MX2: variants seen among roughly 807,000 people sequenced by gnomAD.
MX2 encodes interferon-induced GTP-binding protein Mx2.
A neutral mutation model predicts 74.0 loss-of-function variants in MX2; 51 were observed. That is an observed-to-expected ratio of 0.69 (90% CI 0.55 to 0.87). The LOEUF (loss-of-function observed/expected upper bound fraction) is 0.87, where lower values mean the gene tolerates loss of function less well. MX2 is among the 40% of genes least tolerant of loss of function. MX2 has a pLI of 0.00. For missense variants in MX2, 832 were observed against 908.7 expected (o/e 0.92, Z 1.09); for synonymous variants, 369 against 339.3 (o/e 1.09, Z -0.96).
chr21:41,367,345 T>G (rs1300352188), intron 1 of MX2: 1 of 152,180 alleles, frequency 6.6e-6, no homozygotes, highest in Non-Finnish European at 1.5e-5. Flanking sequence ...CAGAGACCTT[T>G]TCCACGGGAT....
At chr21:41,374,296 C>T (rs1244916408) in intron 1 of MX2, among the ~76,000 whole-genome samples, 1 of 152,246 alleles carries the variant, frequency 6.6e-6, no homozygotes, top group Non-Finnish European at 1.5e-5. Flanking sequence ...AATTCTTTAT[C>T]CTAAACCCGG....
In MX2 at chr21:41,397,627, A is replaced by C; in HGVS notation, c.1085A>C (p.Glu362Ala). Residue 362 changes from glutamate (E) to alanine (A), a missense_variant, in exon 8 of 14, where the codon GAG becomes GCG. Coordinates refer to ENST00000330714, the MANE Select transcript of MX2 (RefSeq NM_002463.2). ...TCTCATTTCAGAGTTCTCCTGGAGG[A>C]GGGGTCAGCCACGGTTCCCCGACTG... ...THPYFRVLLE[E>A]GSATVPRLAE... is the part of the protein sequence containing the mutation. 6.2e-7 allele frequency: 1 copy of C among 1,613,964 alleles called. No individual in the cohort carries two copies. Among genetic ancestry groups the C allele is most frequent in the Non-Finnish European group, 8.5e-7 (1 of 1,179,854 alleles).
chr21:41,381,273 G>A lies in MX2; in HGVS notation c.577+1122G>A, dbSNP rs112681953. Among the ~76,000 whole-genome samples, 352 of 152,346 alleles carry A rather than the reference G, an allele frequency of 2.3e-3. 2 individuals carry two copies. Among genetic ancestry groups the A allele is most frequent in the African/African-American group, 8.1e-3 (338 of 41,574 alleles). On this transcript the variant is annotated intron_variant, in intron 4 of 13. Transcript: ENST00000330714. ...GCTCCCAGGACATCTTGCAATGTTC[G>A]TTGACATCTGTCTGGAGTCTCACCA...
intron 5 of MX2, 163 bp from the exon 6 acceptor site, chr21:41,390,402 G>C (rs746925594): frequency 2.1e-6 from 2 of 962,522 alleles, no homozygotes; most frequent in East Asian, 5.0e-5. Flanking sequence ...GGGCAGGGCC[G>C]CCGGGGCAGG....
At chr21:41,376,695 GC>G in intron 1 of MX2, 140 bp from the exon 2 acceptor site, 1 of 617,892 alleles carries the variant, frequency 1.6e-6, no homozygotes, top group South Asian at 1.9e-5. Flanking sequence ...GCAGACAGGG[GC>G]CCTGCACTGG....
intron 7 of MX2, among the ~76,000 whole-genome samples, chr21:41,396,683 G>A (rs758547982): frequency 6.6e-6 from 1 of 152,108 alleles, no homozygotes; most frequent in African/African-American, 2.4e-5. Context: ...AACACCACCC[G>A]GTTCCTTCTT....
rs372514454 is a variant in MX2, at chr21:41,393,538, G to C, written c.872-2049G>C. Among the ~76,000 whole-genome samples the C allele has an allele frequency of 1.3e-3, 201 of 151,978 alleles. 3 individuals carry two copies. Among genetic ancestry groups the C allele is most frequent in the African/African-American group, 4.6e-3 (190 of 41,452 alleles). On this transcript the variant is annotated intron_variant, in intron 6 of 13. Transcript: ENST00000330714. The stretch of plus-strand genomic sequence containing the variant: ...CTTCCTCCACCATTCTCTCTCTCTC[G>C]GGTCGCTTCCGTCACTGGCCAGCTG...
In MX2 at chr21:41,395,633, CG is replaced by C. The variant is rs1379262067; in HGVS notation, c.919del (p.Val307SerfsTer2). On this transcript the variant is annotated frameshift_variant, in exon 7 of 14. Coordinates refer to ENST00000330714, the MANE Select transcript of MX2 (RefSeq NM_002463.2). LOFTEE classifies it high-confidence loss of function. ...TAATGGACAGGGGCACTGAGAAAAG[CG>C]TCATGAATGTGGTGCGGAACCTCAC... ...DLMDRGTEKS[V>X]MNVVRNLTYP... The C allele has an allele frequency of 7.4e-6, 12 of 1,614,036 alleles. No individual in the cohort carries two copies. Among genetic ancestry groups the C allele is most frequent in the African/African-American group, 1.3e-5 (1 of 74,930 alleles).
chr21:41,363,329 C>T lies in MX2; in HGVS notation c.-72+1274C>T, dbSNP rs896094266. Reference sequence around the variant, plus strand: ...TGGTACCATCATAGCTCACTGCAGCCTTAAACTTCCGGGCTCAAGTGATCC... The same window carrying T: ...TGGTACCATCATAGCTCACTGCAGCTTTAAACTTCCGGGCTCAAGTGATCC... On this transcript the variant is annotated intron_variant, in intron 1 of 13. Transcript: ENST00000330714. The surrounding 1 kb of genome is among the most constrained non-coding windows in gnomAD (Gnocchi z 4.2). 6.6e-6 allele frequency: 1 copy of T among 152,138 alleles called. No individual in the cohort carries two copies. The highest frequency in any genetic ancestry group is 2.4e-5 in the African/African-American group (1 of 41,388). 9.4% of individuals were successfully genotyped at this position (152,138 alleles called of 1,614,324 possible).
At chr21:41,371,276 G>C (rs2089321404) in intron 1 of MX2, among the ~76,000 whole-genome samples, 1 of 152,164 alleles carries the variant, frequency 6.6e-6, no homozygotes, top group Non-Finnish European at 1.5e-5. Context: ...TTTGTGGTTA[G>C]TGTTGGTTTG....
chr21:41,403,616 G>T (rs760933503), intron 12 of MX2: 1 of 685,156 alleles, frequency 1.5e-6, no homozygotes, highest in Admixed American at 1.8e-5. Context: ...CAGGATGTGG[G>T]GCTCCACCGA....
chr21:41,384,051 T>C (rs1441515659), intron 5 of MX2, among the ~76,000 whole-genome samples: 3 of 151,898 alleles, frequency 2.0e-5, no homozygotes, highest in Non-Finnish European at 4.4e-5. Context: ...ATTGAGGGAG[T>C]TCTCATGAGA....
chr21:41,379,865 G>T, intron 3 of MX2, 152 bp from the exon 4 acceptor site: 1 of 984,314 alleles, frequency 1.0e-6, no homozygotes, highest in East Asian at 2.5e-5. Flanking sequence ...CATCTGCTCA[G>T]TCCAGACCCC....
At position 41,380,723 on chromosome 21, in the gene MX2, G is replaced by T. The variant is rs1420556247; in HGVS notation, c.577+572G>T. ...CTGTGGAACAAGTTTCCCAATGCTT[G>T]TTCTTGGCCATGGCTGATCAGAAAA... On this transcript the variant is annotated intron_variant, in intron 4 of 13. Transcript: ENST00000330714. The surrounding 1 kb of genome is among the most constrained non-coding windows in gnomAD (Gnocchi z 4.3). Among the ~76,000 whole-genome samples the T allele has an allele frequency of 6.6e-6, 1 of 152,202 alleles. No homozygotes were observed. Among genetic ancestry groups the T allele is most frequent in the Non-Finnish European group, 1.5e-5 (1 of 68,034 alleles).
Position 41,363,209 on chromosome 21 carries a change from G to A in MX2, c.-72+1154G>A, listed in dbSNP as rs760903017. The A allele has an allele frequency of 2.6e-5, 4 of 152,014 alleles. No individual in the cohort carries two copies. The highest frequency in any genetic ancestry group is 5.9e-5 in the Non-Finnish European group (4 of 67,998). The allele number at this position is 152,014 out of a possible 1,614,324, so 9.4% of individuals were successfully genotyped here. A position where few individuals can be genotyped will look rare whatever the true frequency, so the allele number is the denominator to read the frequency against. On this transcript the variant is annotated intron_variant, in intron 1 of 13. Coordinates refer to ENST00000330714, the MANE Select transcript of MX2 (RefSeq NM_002463.2). This position sits in a 1 kb window ranked among gnomAD's most constrained non-coding sequence, Gnocchi z 4.2. ...ACTTCCCAGCCCCGCGCCAACCCCTGAAGCACTTTTGACTCCCTTCGGATG... is the reference window on the plus strand; with the variant it reads ...ACTTCCCAGCCCCGCGCCAACCCCTAAAGCACTTTTGACTCCCTTCGGATG...
Position 41,397,648 on chromosome 21 carries a change from G to T in MX2, c.1106G>T (p.Arg369Leu). 3 of 1,614,064 alleles carry T rather than the reference G, an allele frequency of 1.9e-6. No individual in the cohort carries two copies. The highest frequency in any genetic ancestry group is 2.5e-6 in the Non-Finnish European group (3 of 1,179,978). Residue 369 changes from arginine to leucine, a missense_variant, in exon 8 of 14, where the codon CGA (arginine) becomes CTA (leucine). Arg to Leu is a moderately radical substitution (Grantham distance 102). Transcript: ENST00000330714. Reference protein sequence around the residue: ...LLEEGSATVPRLAERLTTELI... With the variant: ...LLEEGSATVPLLAERLTTELI... The stretch of plus-strand genomic sequence containing the variant: ...GAGGAGGGGTCAGCCACGGTTCCCC[G>T]ACTGGCAGAAAGACTTACCACTGAA...
chr21:41,407,061 G>A (rs1013484235), intron 13 of MX2, 63 bp downstream of exon 13: 6 of 1,555,430 alleles, frequency 3.9e-6, no homozygotes, highest in Non-Finnish European at 5.2e-6. Context: ...TAGGGGCTAT[G>A]CTAACCTAGA....
rs189378731 is a variant in MX2 at position 41,399,674 on chromosome 21, T to G, written c.1414+337T>G. ...TCAACCTCCCAGGCTCAAGTGATCC[T>G]CCCACCTCAGCCTCCTGAGTAGTTG... On this transcript the variant is annotated intron_variant, in intron 10 of 13. Transcript: ENST00000330714. 2.8e-3 allele frequency: 595 copies of G among 210,632 alleles called. 1 individual carries two copies. The highest frequency in any genetic ancestry group is 5.4e-3 in the Middle Eastern group (3 of 556). The allele number at this position is 210,632 out of a possible 1,614,324, so 13.0% of individuals were successfully genotyped here.
intron 7 of MX2, among the ~76,000 whole-genome samples, chr21:41,396,207 G>A (rs1055336518): frequency 6.6e-6 from 1 of 152,140 alleles, no homozygotes; most frequent in African/African-American, 2.4e-5. Context: ...CACCGTAAAC[G>A]GCACACAGGA....
Sources: gnomAD v4.1 joint callset for allele counts (sites outside exome capture counted in the v4.1 genomes callset) on GRCh38, gnomAD v4.1.1 for gene constraint, Gnocchi (gnomAD v3.1) non-coding constraint, MANE v1.5 for transcripts, NCBI Gene and HGNC (gene_info 2026-07-23, HGNC 2026-07-21) for gene names.